SNX24: variants seen among roughly 807,000 people sequenced by gnomAD.
The protein encoded by SNX24 is sorting nexin-24.
Under a neutral mutation model 28.7 loss-of-function variants are expected in SNX24, and 22 were observed. That is an observed-to-expected ratio of 0.77 (90% CI 0.55 to 1.10). SNX24 has a LOEUF of 1.10. Ranked by LOEUF, SNX24 falls within the 50% of genes least tolerant of loss-of-function variation. The pLI, the probability that SNX24 is intolerant of heterozygous loss-of-function variation, is 0.00. For missense variants in SNX24, 221 were observed against 201.1 expected (o/e 1.10, Z -0.60); for synonymous variants, 69 against 71.5 (o/e 0.96, Z 0.18).
At position 122,935,806 on chromosome 5, in the gene SNX24, T is replaced by C. The variant is rs141780428; in HGVS notation, c.61-928T>C. On this transcript the variant is annotated intron_variant, in intron 1 of 6. Coordinates refer to ENST00000261369, the MANE Select transcript of SNX24 (RefSeq NM_014035.4). ...TTTTAGTGTCATGTGATCTCTACAG[T>C]TTTGTATTTTTTTCAGAAGGGCGAT... Among the ~76,000 whole-genome samples the C allele has an allele frequency of 3.3e-3, 510 of 152,312 alleles. 4 individuals are homozygous for C. The highest frequency in any genetic ancestry group is 0.012 in the African/African-American group (487 of 41,556).
At chr5:122,888,383 G>A (rs1019181049) in intron 1 of SNX24, among the ~76,000 whole-genome samples, 6 of 152,082 alleles carry the variant, frequency 3.9e-5, no homozygotes, top group African/African-American at 1.4e-4. Flanking sequence ...AAGTCTTGGC[G>A]CTATTGGTTA....
chr5:122,899,985 T>C (rs187189974), intron 1 of SNX24, among the ~76,000 whole-genome samples: 1 of 152,218 alleles, frequency 6.6e-6, no homozygotes, highest in East Asian at 1.9e-4. Flanking sequence ...AAATAAATAT[T>C]GTGTGTATTT....
intron 6 of SNX24, among the ~76,000 whole-genome samples, chr5:123,004,060 A>G (rs1762336751): frequency 6.6e-6 from 1 of 152,240 alleles, no homozygotes; most frequent in Non-Finnish European, 1.5e-5. Context: ...TCTTAGCAAG[A>G]TATTAAGGTT....
intron 3 of SNX24, among the ~76,000 whole-genome samples, chr5:122,986,369 GA>G (rs1761603877): frequency 6.6e-6 from 1 of 152,204 alleles, no homozygotes; most frequent in Non-Finnish European, 1.5e-5. Context: ...TGGACTTAGG[GA>G]GAGGATGCTG....
At chr5:122,897,614 T>C (rs1757259324) in intron 1 of SNX24, among the ~76,000 whole-genome samples, 1 of 152,144 alleles carries the variant, frequency 6.6e-6, no homozygotes, top group Admixed American at 6.6e-5. Context: ...ACAAGAATAT[T>C]GTAAAAACAA....
At chr5:122,847,147 A>G (rs1754676082) in intron 1 of SNX24, among the ~76,000 whole-genome samples, 1 of 152,200 alleles carries the variant, frequency 6.6e-6, no homozygotes, top group South Asian at 2.1e-4. Context: ...TGGCTTTCAA[A>G]GAAAAGATGA....
chr5:122,954,187 TTC>T lies in SNX24; in HGVS notation c.249+8038_249+8039del, dbSNP rs150039118. On this transcript the variant is annotated intron_variant, in intron 3 of 6. Coordinates refer to ENST00000261369, the MANE Select transcript of SNX24 (RefSeq NM_014035.4). Reference sequence around the variant, plus strand: ...CTTAAATTCTCAAATGCAGTGAACTTTCTCTCTCTCTATATATATATAGTTTT... The same window carrying T: ...CTTAAATTCTCAAATGCAGTGAACTTTCTCTCTCTATATATATATAGTTTT... Among the ~76,000 whole-genome samples the T allele has an allele frequency of 1.4e-3, 208 of 144,474 alleles. 3 individuals carry two copies. In the Middle Eastern group the frequency reaches 0.031, roughly 21 times the overall value. 94.8% of individuals were successfully genotyped at this position (144,474 alleles called of 152,430 possible). A position where few individuals can be genotyped will look rare whatever the true frequency, so the allele number is the denominator to read the frequency against.
At position 122,857,784 on chromosome 5, in the gene SNX24, C is replaced by T. The variant is rs1755271144; in HGVS notation, c.60+12091C>T. ...CATAATATTCCATGATGTATATGTACCACCTTTTCTTTTTTTGAGATGGAT... is the reference window on the plus strand; with the variant it reads ...CATAATATTCCATGATGTATATGTATCACCTTTTCTTTTTTTGAGATGGAT... On this transcript the variant is annotated intron_variant, in intron 1 of 6. Transcript: ENST00000261369. Among the ~76,000 whole-genome samples the T allele has an allele frequency of 2.6e-5, 4 of 151,918 alleles. No homozygotes were observed. The South Asian group carries it at 8.3e-4, about 32-fold the overall frequency.
intron 1 of SNX24, among the ~76,000 whole-genome samples, chr5:122,891,661 T>G (rs1000046130): frequency 4.6e-5 from 7 of 152,218 alleles, no homozygotes; most frequent in Admixed American, 2.0e-4. Flanking sequence ...TCTGGAGAAG[T>G]ATTACTGGAT....
chr5:122,956,522 G>T (rs943327636), intron 3 of SNX24, among the ~76,000 whole-genome samples: 5 of 152,078 alleles, frequency 3.3e-5, no homozygotes, highest in Non-Finnish European at 7.4e-5. Flanking sequence ...ATCTCTTAGA[G>T]ATCCTGCTTT....
At chr5:122,860,808 G>A (rs749583776) in intron 1 of SNX24, among the ~76,000 whole-genome samples, 3 of 151,982 alleles carry the variant, frequency 2.0e-5, no homozygotes, top group Non-Finnish European at 4.4e-5. Flanking sequence ...GTGTTAGCCA[G>A]GATGGTCTCG....
intron 1 of SNX24, among the ~76,000 whole-genome samples, chr5:122,854,145 A>AT (rs1159415628): frequency 6.6e-6 from 1 of 151,890 alleles, no homozygotes; most frequent in Non-Finnish European, 1.5e-5. Context: ...AAAGGGAATT[A>AT]TTTTTTCTTC....
At chr5:122,847,275 C>T (rs1990890) in intron 1 of SNX24, among the ~76,000 whole-genome samples, 118,204 of 152,112 alleles carry the variant, frequency 0.78, 46,963 homozygotes, top group East Asian at 0.99. Flanking sequence ...ACGAGCTGTG[C>T]TTTTCTCCCA....
At chr5:122,855,879 C>G (rs1197233608) in intron 1 of SNX24, among the ~76,000 whole-genome samples, 1 of 152,130 alleles carries the variant, frequency 6.6e-6, no homozygotes, top group Non-Finnish European at 1.5e-5. Context: ...AATAGTGAGG[C>G]CTAAGGAGAG....
intron 3 of SNX24, among the ~76,000 whole-genome samples, chr5:122,988,836 T>C (rs1761710058): frequency 6.6e-6 from 1 of 152,194 alleles, no homozygotes; most frequent in Non-Finnish European, 1.5e-5. Context: ...TTACAAACTT[T>C]TTATGTATTA....
chr5:122,940,185 T>C (rs199967524), intron 2 of SNX24, among the ~76,000 whole-genome samples: 7 of 151,768 alleles, frequency 4.6e-5, no homozygotes, highest in South Asian at 2.1e-4. Flanking sequence ...GTAGAGACAG[T>C]GTTTCGCCAT....
chr5:122,915,266 G>T (rs1243024234), intron 1 of SNX24, among the ~76,000 whole-genome samples: 1 of 152,088 alleles, frequency 6.6e-6, no homozygotes, highest in Non-Finnish European at 1.5e-5. Flanking sequence ...GTCTGCTGTA[G>T]TAACTTCCTA....
chr5:122,914,964 T>C (rs1241055655), intron 1 of SNX24, among the ~76,000 whole-genome samples: 1 of 152,272 alleles, frequency 6.6e-6, no homozygotes, highest in South Asian at 2.1e-4. Flanking sequence ...TTAGGTCCAG[T>C]TGAGGTGGAG....
At chr5:122,857,383 C>T (rs1755243717) in intron 1 of SNX24, among the ~76,000 whole-genome samples, 1 of 150,676 alleles carries the variant, frequency 6.6e-6, no homozygotes, top group Non-Finnish European at 1.5e-5. Context: ...ACCACTTATC[C>T]CTTCATCATT....
Sources: gnomAD v4.1 joint callset for allele counts (sites outside exome capture counted in the v4.1 genomes callset) on GRCh38, gnomAD v4.1.1 for gene constraint, MANE v1.5 for transcripts, NCBI Gene and HGNC (gene_info 2026-07-23, HGNC 2026-07-21) for gene names.